DAB1: variants seen among roughly 807,000 people sequenced by gnomAD.
DAB1 encodes disabled homolog 1.
A neutral mutation model predicts 64.6 loss-of-function variants in DAB1; 15 were observed. The ratio of observed to expected loss-of-function variants is 0.23; its 90% CI spans 0.16 to 0.36. The LOEUF (loss-of-function observed/expected upper bound fraction) is 0.36. Among genes scored for constraint, DAB1 ranks in the 10% least tolerant of loss-of-function variants. The probability of loss-of-function intolerance (pLI) is 1.00; values close to 1 mark genes in which losing one functional copy is unlikely to be tolerated. For missense variants in DAB1, 596 were observed against 706.7 expected (o/e 0.84, Z 1.78); for synonymous variants, 235 against 251.9 (o/e 0.93, Z 0.64).
intron 3 of DAB1, among the ~76,000 whole-genome samples, chr1:58,358,929 TTCTCTC>T (rs113642363): frequency 0.56 from 59,491 of 107,180 alleles, 16,063 homozygotes; most frequent in East Asian, 0.69. Flanking sequence ...CTTCCTTTCT[TTCTCTC>T]TCTCTCTCTC....
At chr1:57,672,516 T>G (rs1203586227) in intron 6 of DAB1, among the ~76,000 whole-genome samples, 1 of 152,136 alleles carries the variant, frequency 6.6e-6, no homozygotes, top group African/African-American at 2.4e-5. Context: ...TGCCCAGCAC[T>G]TTCACAAGGC....
intron 9 of DAB1, among the ~76,000 whole-genome samples, chr1:57,050,606 A>T (rs1310945536): frequency 6.6e-6 from 1 of 152,126 alleles, no homozygotes; most frequent in African/African-American, 2.4e-5. Flanking sequence ...ATCTTTTAAG[A>T]TTCTATTCAA....
intron 1 of DAB1, among the ~76,000 whole-genome samples, chr1:57,325,507 G>A (rs1452015119): frequency 1.3e-5 from 2 of 152,192 alleles, no homozygotes; most frequent in African/African-American, 4.8e-5. Context: ...ACCTAATGCG[G>A]TGCTTGGTAC....
downstream of DAB1, among the ~76,000 whole-genome samples, chr1:57,821,385 T>A (rs1652112020): frequency 6.6e-6 from 1 of 152,192 alleles, no homozygotes; most frequent in African/African-American, 2.4e-5. Context: ...CTGATGTTTA[T>A]CAAAAGCAGA....
chr1:57,016,286 T>TA (rs531754195), intron 11 of DAB1, among the ~76,000 whole-genome samples: 29 of 148,214 alleles, frequency 2.0e-4, no homozygotes, highest in Non-Finnish European at 2.4e-4. Flanking sequence ...TTTTAGAGAA[T>TA]AAAAAAAAAA....
At chr1:58,434,024 T>C (rs1055772907) in intron 3 of DAB1, among the ~76,000 whole-genome samples, 1 of 151,946 alleles carries the variant, frequency 6.6e-6, no homozygotes, top group Admixed American at 6.6e-5. Context: ...AAGTAGAGTA[T>C]GGGCAAGTAT....
At chr1:57,728,981 C>A (rs758246902) in intron 6 of DAB1, among the ~76,000 whole-genome samples, 1 of 152,104 alleles carries the variant, frequency 6.6e-6, no homozygotes, top group Non-Finnish European at 1.5e-5. Flanking sequence ...ATGCTTATGT[C>A]GACTTTGTAG....
chr1:58,391,911 GGTAA>G (rs1557747514), intron 3 of DAB1, among the ~76,000 whole-genome samples: 1 of 152,122 alleles, frequency 6.6e-6, no homozygotes. Context: ...GTAGAAACTG[GGTAA>G]GTAAGCACCC....
chr1:57,305,866 G>A (rs1674097377), intron 1 of DAB1, among the ~76,000 whole-genome samples: 1 of 151,484 alleles, frequency 6.6e-6, no homozygotes, highest in Non-Finnish European at 1.5e-5. Flanking sequence ...CTACTCAGGA[G>A]GCTGAGGCAG....
At chr1:57,587,210 T>C (rs1645391140) in intron 7 of DAB1, among the ~76,000 whole-genome samples, 1 of 152,350 alleles carries the variant, frequency 6.6e-6, no homozygotes, top group East Asian at 1.9e-4. Flanking sequence ...TATTCCTTGT[T>C]CTTTGCTGGG....
intron 5 of DAB1, chr1:58,078,136 G>A (rs1457670541): frequency 6.6e-6 from 1 of 152,174 alleles, no homozygotes; most frequent in Non-Finnish European, 1.5e-5. Context: ...TCCCCATTGG[G>A]GCTCAAGCAT....
intron 6 of DAB1, among the ~76,000 whole-genome samples, chr1:57,677,479 CTGTGCTCTT>C (rs1470985600): frequency 6.6e-6 from 1 of 152,170 alleles, no homozygotes; most frequent in Non-Finnish European, 1.5e-5. Context: ...ACTGGAAGGT[CTGTGCTCTT>C]TCCTCCCTAT....
intron 5 of DAB1, among the ~76,000 whole-genome samples, chr1:58,050,435 CAT>C (rs1647566726): frequency 6.6e-6 from 1 of 152,092 alleles, no homozygotes; most frequent in African/African-American, 2.4e-5. Context: ...TTGGACTAGA[CAT>C]ATGGTAGTGT....
intron 5 of DAB1, among the ~76,000 whole-genome samples, chr1:58,010,512 T>G (rs1646652363): frequency 6.6e-6 from 1 of 152,200 alleles, no homozygotes; most frequent in African/African-American, 2.4e-5. Flanking sequence ...GAAGAATGTT[T>G]ATGCATCAAA....
intron 7 of DAB1, among the ~76,000 whole-genome samples, chr1:57,549,241 A>T (rs1172982589): frequency 6.6e-6 from 1 of 152,178 alleles, no homozygotes; most frequent in Non-Finnish European, 1.5e-5. Flanking sequence ...CTGTTGTGTG[A>T]TCTGCAATTG....
At chr1:58,076,115 G>C (rs1475030117) in intron 5 of DAB1, among the ~76,000 whole-genome samples, 4 of 152,122 alleles carry the variant, frequency 2.6e-5, no homozygotes, top group African/African-American at 9.7e-5. Context: ...TTTAAGAAGG[G>C]TTACTGTAAG....
chr1:57,067,291 T>C (rs1466056509), intron 8 of DAB1, among the ~76,000 whole-genome samples: 1 of 152,080 alleles, frequency 6.6e-6, no homozygotes, highest in Non-Finnish European at 1.5e-5. Context: ...TAGAATCGAA[T>C]TGTGAAACTC....
At chr1:58,071,636 T>G (rs917568980) in intron 5 of DAB1, 3 of 152,106 alleles carry the variant, frequency 2.0e-5, no homozygotes, top group Non-Finnish European at 4.4e-5. Context: ...CATGATGAGG[T>G]AAGTTTTACA....
intron 7 of DAB1, among the ~76,000 whole-genome samples, chr1:57,544,661 C>T (rs1644837064): frequency 6.6e-6 from 1 of 152,128 alleles, no homozygotes; most frequent in Admixed American, 6.5e-5. Flanking sequence ...CCCATAATCC[C>T]CATGTGTCAT....
Sources: allele counts gnomAD v4.1 joint callset (sites outside exome capture counted in the v4.1 genomes callset), GRCh38; gene constraint gnomAD v4.1.1; transcripts MANE v1.5; gene names NCBI Gene and HGNC (gene_info 2026-07-23, HGNC 2026-07-21).